Variants in INTS14 observed in about 807,000 individuals in gnomAD.
INTS14 encodes integrator complex subunit 14.
In INTS14, 27 loss-of-function variants were observed where a neutral mutation model predicts 56.9. The ratio of observed to expected loss-of-function variants is 0.47; its 90% CI spans 0.35 to 0.65. The LOEUF (loss-of-function observed/expected upper bound fraction) is 0.65, where lower values mean the gene tolerates loss of function less well. Among genes scored for constraint, INTS14 ranks in the 30% least tolerant of loss-of-function variants. The pLI is 0.00. For synonymous variants in INTS14, 207 were observed against 236.2 expected, an observed-to-expected ratio of 0.88 and a Z score of 1.13; for missense variants, 517 against 632.2, an observed-to-expected ratio of 0.82 and a Z score of 1.95.
intron 3 of INTS14, 85 bp downstream of exon 3, chr15:65,605,044 T>G (rs2073594312): frequency 2.1e-6 from 2 of 950,574 alleles, no homozygotes; most frequent in Non-Finnish European, 3.4e-6. Flanking sequence ...TTACAATGCA[T>G]GCTGTGTCAG....
In INTS14 at chr15:65,599,768, T is replaced by C. The variant is rs2073355254; in HGVS notation, c.486+6A>G. The stretch of plus-strand genomic sequence containing the variant: ...ATCAAACTAAAAACTTAGCAAAAGG[T>C]ATTACCTCCTCCAAATTCGCCATGC... On this transcript the variant is annotated splice_donor_region_variant and intron_variant, in intron 4 of 11. Transcript: ENST00000313182. 1 of 1,612,900 alleles carries C rather than the reference T, an allele frequency of 6.2e-7. No homozygotes were observed. Among genetic ancestry groups the C allele is most frequent in the African/African-American group, 1.3e-5 (1 of 74,832 alleles).
chr15:65,589,772 C>G (rs753037123), intron 9 of INTS14, among the ~76,000 whole-genome samples: 1 of 152,030 alleles, frequency 6.6e-6, no homozygotes, highest in Non-Finnish European at 1.5e-5. Context: ...CACAAAAACT[C>G]AAAATTTGTG....
chr15:65,581,954 C>T lies in INTS14; in HGVS notation c.1305G>A (p.Lys435=). ...GCACATCCTCTTCTGTCTGTCTCAC[C>T]TTATAGAATGTCTGTGTTTTTTCAG... ...KLPEKTQTFY[K]ELNRLRKAAL... The change falls in exon 11 of 12, where the codon AAG becomes AAA. Residue 435 remains lysine, a splice_region_variant and synonymous_variant. Transcript: ENST00000313182. 4 of 1,613,198 alleles carry T rather than the reference C, an allele frequency of 2.5e-6. No homozygotes were observed. The East Asian group carries it at 8.9e-5, about 36-fold the overall frequency.
Position 65,593,491 on chromosome 15 carries a change from T to A in INTS14, c.923A>T (p.Asn308Ile), listed in dbSNP as rs764737538. The A allele has an allele frequency of 2.5e-6, 4 of 1,613,946 alleles. No individual in the cohort carries two copies. Among genetic ancestry groups the A allele is most frequent in the Non-Finnish European group, 8.5e-7 (1 of 1,179,930 alleles). ...SANQIAGKIP[N>I]FCVLLHGSLK... ...GCTACCATGGAGCAGGACACAAAAG[T>A]TGGGTATTTTGCCTGCAATCTGATT... The change falls in exon 8 of 12, where the codon AAC becomes ATC. Residue 308 changes from asparagine (N) to isoleucine (I), a missense_variant. By Grantham distance (149) the Asn-to-Ile change is moderately radical. Coordinates refer to ENST00000313182, the MANE Select transcript of INTS14 (RefSeq NM_001394796.1).
Position 65,610,131 on chromosome 15 carries a change from G to A in INTS14, c.-63+967C>T, listed in dbSNP as rs138438444. Among the ~76,000 whole-genome samples, 1,337 of 151,180 alleles carry A rather than the reference G, an allele frequency of 8.8e-3. 9 individuals are homozygous for A. The highest frequency in any genetic ancestry group is 0.013 in the Non-Finnish European group (854 of 67,846). ...TCCCAGCACTTTGGGAGGCTGAGGCGGGCAGATCACCCGAGGTCAGGAGTT... is the reference window on the plus strand; with the variant it reads ...TCCCAGCACTTTGGGAGGCTGAGGCAGGCAGATCACCCGAGGTCAGGAGTT... On this transcript the variant is annotated intron_variant, in intron 1 of 11. Coordinates refer to ENST00000313182, the MANE Select transcript of INTS14 (RefSeq NM_001394796.1).
chr15:65,582,375 T>C (rs1396832093), intron 10 of INTS14, among the ~76,000 whole-genome samples: 2 of 152,078 alleles, frequency 1.3e-5, no homozygotes, highest in East Asian at 3.9e-4. Flanking sequence ...AGCAAAAGAA[T>C]AAAGTTGGAC....
At chr15:65,591,769 A>G in intron 8 of INTS14, 38 bp from the exon 9 acceptor site, 1 of 1,604,944 alleles carries the variant, frequency 6.2e-7, no homozygotes, top group Non-Finnish European at 8.5e-7. Context: ...AAGAACATCA[A>G]GCCTGAGACT....
chr15:65,599,762 A>T lies in INTS14; in HGVS notation c.486+12T>A. 4.3e-6 allele frequency: 7 copies of T among 1,611,032 alleles called. No homozygotes were observed. Among genetic ancestry groups the T allele is most frequent in the Non-Finnish European group, 5.9e-6 (7 of 1,178,502 alleles). On this transcript the variant is annotated intron_variant, in intron 4 of 11. Transcript: ENST00000313182. ...TGCCTAATCAAACTAAAAACTTAGC[A>T]AAAGGTATTACCTCCTCCAAATTCG...
intron 6 of INTS14, among the ~76,000 whole-genome samples, chr15:65,597,087 G>A (rs1596254667): frequency 6.6e-6 from 1 of 152,196 alleles, no homozygotes; most frequent in East Asian, 1.9e-4. Context: ...AAAAGGATGG[G>A]AAGGAAGTGG....
intron 10 of INTS14, among the ~76,000 whole-genome samples, chr15:65,583,744 T>A (rs926471483): frequency 6.6e-6 from 1 of 151,878 alleles, no homozygotes; most frequent in African/African-American, 2.4e-5. Flanking sequence ...CAAAAAAAAT[T>A]AAAAAAAATA....
intron 3 of INTS14, among the ~76,000 whole-genome samples, chr15:65,602,580 T>C (rs1172373318): frequency 6.6e-6 from 1 of 152,036 alleles, no homozygotes. Context: ...CCGTCGCGCC[T>C]GGCCAAAAAT....
chr15:65,598,714 TA>T, intron 5 of INTS14, 157 bp downstream of exon 5: 1 of 734,274 alleles, frequency 1.4e-6, no homozygotes, highest in Non-Finnish European at 2.2e-6. Context: ...AGATTTACTT[TA>T]AAAAACCATT....
rs1566937594 is a variant in INTS14, at chr15:65,611,107, A to T, written c.-72T>A. On this transcript the variant is annotated 5_prime_UTR_variant, in exon 1 of 12. An upstream start codon of the reference 5' UTR is lost. Coordinates refer to ENST00000313182, the MANE Select transcript of INTS14 (RefSeq NM_001394796.1). ...CGGCCTCCCCACTCACCCCGTGCCC[A>T]TCGCCGGACACAGTCCGTCGGCATA... is the stretch of plus-strand genomic sequence containing the variant. The T allele has an allele frequency of 6.5e-7, 1 of 1,535,292 alleles. No individual in the cohort carries two copies. Among genetic ancestry groups the T allele is most frequent in the Non-Finnish European group, 8.7e-7 (1 of 1,146,524 alleles).
chr15:65,604,234 C>T (rs530541560), intron 3 of INTS14, among the ~76,000 whole-genome samples: 4 of 152,264 alleles, frequency 2.6e-5, no homozygotes, highest in Admixed American at 2.6e-4. Context: ...AGGTGCACAC[C>T]ACCACACCCA....
intron 7 of INTS14, among the ~76,000 whole-genome samples, chr15:65,593,894 T>C (rs553245902): frequency 5.9e-5 from 9 of 152,252 alleles, no homozygotes; most frequent in East Asian, 1.9e-4. Context: ...GGTTTCTTTT[T>C]GGGGTTATAA....
At chr15:65,610,744 T>A (rs2073893052) in intron 1 of INTS14, 1 of 1,535,548 alleles carries the variant, frequency 6.5e-7, no homozygotes, top group African/African-American at 1.4e-5. Flanking sequence ...CAGATATAAT[T>A]TCATCTCTAA....
chr15:65,598,691 C>T, intron 5 of INTS14, 181 bp downstream of exon 5: 1 of 695,462 alleles, frequency 1.4e-6, no homozygotes. Context: ...AAGTCAGTAT[C>T]TACAGACAGT....
chr15:65,596,574 T>C (rs995578194), intron 6 of INTS14, among the ~76,000 whole-genome samples: 1 of 152,176 alleles, frequency 6.6e-6, no homozygotes, highest in African/African-American at 2.4e-5. Context: ...CTTATATTTC[T>C]TTTTTCTTTT....
intron 9 of INTS14, chr15:65,586,663 TAA>T (rs971983538): frequency 2.0e-5 from 3 of 152,070 alleles, no homozygotes; most frequent in African/African-American, 7.2e-5. Flanking sequence ...GAAGAAATTT[TAA>T]AAAGATAGTA....
Sources: gnomAD v4.1 joint callset for allele counts (sites outside exome capture counted in the v4.1 genomes callset) on GRCh38, gnomAD v4.1.1 for gene constraint, MANE v1.5 for transcripts, NCBI Gene and HGNC (gene_info 2026-07-23, HGNC 2026-07-21) for gene names.